Variants in RNF212B observed in about 807,000 individuals in gnomAD.
RNF212B encodes the protein E3 ubiquitin-protein ligase RNF212B.
Under a neutral mutation model 55.5 loss-of-function variants are expected in RNF212B, and 52 were observed. The observed-to-expected ratio is 0.94, with a 90% CI of 0.75 to 1.18. RNF212B has a LOEUF of 1.18. Ranked by LOEUF, RNF212B falls within the 50% of genes most tolerant of loss-of-function variation. The probability of loss-of-function intolerance (pLI) is 0.00; values close to 1 mark genes in which losing one functional copy is unlikely to be tolerated. For missense variants in RNF212B, 289 were observed against 350.4 expected (o/e 0.82, Z 1.40); for synonymous variants, 99 against 121.4 (o/e 0.82, Z 1.21).
rs1351671712 is a variant in RNF212B at position 23,264,188 on chromosome 14, C to T, written c.539C>T (p.Ala180Val). ...SSQVVSRSSS[A>V]ESIPYREAGF... is the part of the protein sequence containing the mutation. Reference sequence around the variant, plus strand: ...ACCTTATACAGTCGGTCCTCCTCAGCGGAATCTATTCCTTATAGAGAGGCT... The same window carrying T: ...ACCTTATACAGTCGGTCCTCCTCAGTGGAATCTATTCCTTATAGAGAGGCT... Residue 180 changes from alanine (A) to valine (V), a missense_variant, in exon 10 of 15, where the codon GCG becomes GTG. Ala to Val is a moderately conservative substitution (Grantham distance 64). Transcript: ENST00000430154. 9.0e-6 allele frequency: 14 copies of T among 1,549,588 alleles called. No homozygotes were observed. The highest frequency in any genetic ancestry group is 4.9e-5 in the East Asian group (2 of 40,928).
chr14:23,264,450 AG>A (rs1885528130), intron 10 of RNF212B, among the ~76,000 whole-genome samples, 172 bp from the exon 11 acceptor site: 1 of 152,250 alleles, frequency 6.6e-6, no homozygotes, highest in African/African-American at 2.4e-5. Flanking sequence ...CTCAATCAAC[AG>A]TGTCCATGGT....
chr14:23,252,263 C>G (rs1008833536), intron 4 of RNF212B, among the ~76,000 whole-genome samples: 1 of 151,970 alleles, frequency 6.6e-6, no homozygotes, highest in Non-Finnish European at 1.5e-5. Context: ...ATGCTCCTAT[C>G]ACTCAGGAAA....
intron 5 of RNF212B, 37 bp from the exon 6 acceptor site, chr14:23,259,847 G>A: frequency 7.8e-7 from 1 of 1,283,974 alleles, no homozygotes; most frequent in Non-Finnish European, 1.1e-6. Flanking sequence ...TTTAATCCCT[G>A]ATTTGCTGGA....
At chr14:23,247,543 T>C (rs1884078895) in intron 4 of RNF212B, among the ~76,000 whole-genome samples, 1 of 152,198 alleles carries the variant, frequency 6.6e-6, no homozygotes, top group African/African-American at 2.4e-5. Context: ...ATTCACTAAG[T>C]ATAATGCTCT....
intron 4 of RNF212B, among the ~76,000 whole-genome samples, chr14:23,252,994 C>T (rs556176033): frequency 6.6e-5 from 10 of 152,082 alleles, no homozygotes; most frequent in South Asian, 2.1e-4. Context: ...CCTATGAGGA[C>T]GGTTTATTTT....
chr14:23,214,221 T>C (rs113676327), intron 2 of RNF212B, among the ~76,000 whole-genome samples: 3,207 of 152,258 alleles, frequency 0.021, 105 homozygotes, highest in African/African-American at 0.072. Context: ...AGGCTGGGCA[T>C]GGCGGCTCAA....
chr14:23,186,074 T>C (rs1486498574), intron 1 of RNF212B, among the ~76,000 whole-genome samples: 3 of 152,276 alleles, frequency 2.0e-5, no homozygotes, highest in East Asian at 3.9e-4. Context: ...CACTCCAGCC[T>C]GGGTGGCAAA....
At chr14:23,241,821 T>C (rs954125514) in intron 2 of RNF212B, among the ~76,000 whole-genome samples, 4 of 151,572 alleles carry the variant, frequency 2.6e-5, no homozygotes, top group Non-Finnish European at 5.9e-5. Flanking sequence ...CAGTGGCTCA[T>C]GCCTGTAATC....
intron 2 of RNF212B, among the ~76,000 whole-genome samples, chr14:23,213,048 T>C (rs543025562): frequency 3.7e-4 from 56 of 151,956 alleles, no homozygotes; most frequent in Admixed American, 1.5e-3. Context: ...CATGGTGGGT[T>C]ATGCCTGTAA....
chr14:23,245,027 T>C (rs1883889038), intron 4 of RNF212B, among the ~76,000 whole-genome samples: 1 of 152,124 alleles, frequency 6.6e-6, no homozygotes, highest in Non-Finnish European at 1.5e-5. Flanking sequence ...TGTAAAAACT[T>C]TGGTTTTTTT....
chr14:23,233,863 A>G (rs1882913583), upstream of RNF212B, among the ~76,000 whole-genome samples: 1 of 151,710 alleles, frequency 6.6e-6, no homozygotes, highest in South Asian at 2.1e-4. Flanking sequence ...TTGGGAAGCC[A>G]AGGTGGGCGG....
At chr14:23,270,000 T>A in intron 13 of RNF212B, 40 bp downstream of exon 13, 1 of 1,011,698 alleles carries the variant, frequency 9.9e-7, no homozygotes, top group Non-Finnish European at 1.5e-6. Flanking sequence ...GAGCTTCAAC[T>A]ATAGACACAT....
intron 1 of RNF212B, 96 bp from the exon 2 acceptor site, chr14:23,240,249 T>A (rs1883470811): frequency 2.6e-6 from 2 of 774,302 alleles, no homozygotes; most frequent in South Asian, 1.7e-5. Context: ...CAAAAAGCTA[T>A]CAGAAGCTAA....
rs575339856 is a variant in RNF212B at position 23,189,694 on chromosome 14, A to G, written c.-78-3631A>G. On this transcript the variant is annotated intron_variant, in intron 1 of 15. Coordinates refer to the RNF212B transcript ENST00000399910. ...TGTGGTGGTGCATGCCTGTAGCACC[A>G]GCAACTCAGGAGGCTGACGTAGGAG... Among the ~76,000 whole-genome samples the G allele has an allele frequency of 3.9e-5, 6 of 152,252 alleles. No homozygotes were observed. In the East Asian group the frequency reaches 1.2e-3, roughly 29 times the overall value.
chr14:23,203,019 T>G (rs1020585427), intron 2 of RNF212B, among the ~76,000 whole-genome samples: 1 of 151,892 alleles, frequency 6.6e-6, no homozygotes, highest in East Asian at 1.9e-4. Flanking sequence ...GAACAGGGAG[T>G]ATTTGGTTAC....
intron 2 of RNF212B, among the ~76,000 whole-genome samples, chr14:23,202,849 C>CAAA (rs796329912): frequency 2.4e-4 from 15 of 63,404 alleles, no homozygotes; most frequent in African/African-American, 5.7e-4. Flanking sequence ...GACCCTGTCT[C>CAAA]AAAAAAAAAA....
chr14:23,270,586 A>T lies in RNF212B; in HGVS notation c.773-14A>T. Reference sequence around the variant, plus strand: ...CAAGTAAGTTATCTTTCACTGTTCCATTCTATCCTTCAGCTCAGAGGGAGA... The same window carrying T: ...CAAGTAAGTTATCTTTCACTGTTCCTTTCTATCCTTCAGCTCAGAGGGAGA... On this transcript the variant is annotated splice_polypyrimidine_tract_variant and intron_variant, in intron 13 of 14. Coordinates refer to ENST00000430154, the MANE Select transcript of RNF212B (RefSeq NM_001282322.3). 6.5e-7 allele frequency: 1 copy of T among 1,544,880 alleles called. No homozygotes were observed. Among genetic ancestry groups the T allele is most frequent in the Non-Finnish European group, 8.8e-7 (1 of 1,141,496 alleles).
chr14:23,252,522 C>G (rs1884492866), intron 4 of RNF212B, among the ~76,000 whole-genome samples: 1 of 152,076 alleles, frequency 6.6e-6, no homozygotes, highest in South Asian at 2.1e-4. Context: ...CACTGGGTTG[C>G]AGCAGAGAAA....
chr14:23,243,184 C>T (rs1883723777), intron 2 of RNF212B, 72 bp from the exon 3 acceptor site: 3 of 1,089,980 alleles, frequency 2.8e-6, no homozygotes, highest in East Asian at 2.6e-5. Context: ...AGATTGTTGC[C>T]ATGTACTTTA....
Sources: allele counts gnomAD v4.1 joint callset (sites outside exome capture counted in the v4.1 genomes callset), GRCh38; gene constraint gnomAD v4.1.1; transcripts MANE v1.5; gene names NCBI Gene and HGNC (gene_info 2026-07-23, HGNC 2026-07-21).